Variants in NCKAP5 observed in about 807,000 individuals in gnomAD.
NCKAP5 encodes NCK associated protein 5.
In NCKAP5, 92 loss-of-function variants were observed where a neutral mutation model predicts 167.0. That is an observed-to-expected ratio of 0.55 (90% CI 0.47 to 0.66). The LOEUF is 0.66. NCKAP5 is among the 30% of genes least tolerant of loss of function. The pLI, the probability that NCKAP5 is intolerant of heterozygous loss-of-function variation, is 0.00. For synonymous variants in NCKAP5, 891 were observed against 877.4 expected (o/e 1.02, Z -0.27); for missense variants, 2,378 against 2,315.0 (o/e 1.03, Z -0.56).
At chr2:132,776,914 C>G (rs1682600230) in intron 15 of NCKAP5, among the ~76,000 whole-genome samples, 1 of 152,148 alleles carries the variant, frequency 6.6e-6, no homozygotes, top group African/African-American at 2.4e-5. Flanking sequence ...GTGGGACAGT[C>G]TCCATGTGGG....
At chr2:133,622,503 A>T in the NCKAP5 span, among the ~76,000 whole-genome samples, 2 of 152,182 alleles carry the variant, frequency 1.3e-5, no homozygotes, top group Admixed American at 1.3e-4. Context: ...GACCAAACTG[A>T]GAATCAAATC....
intron 5 of NCKAP5, among the ~76,000 whole-genome samples, chr2:133,170,509 G>T (rs926521035): frequency 6.6e-6 from 1 of 152,172 alleles, no homozygotes; most frequent in African/African-American, 2.4e-5. Flanking sequence ...TGACTGTAAC[G>T]AAGTAATCTG....
chr2:133,147,744 T>C (rs1180007887), intron 5 of NCKAP5, among the ~76,000 whole-genome samples: 1 of 152,138 alleles, frequency 6.6e-6, no homozygotes, highest in Non-Finnish European at 1.5e-5. Flanking sequence ...AAGAGTTTAG[T>C]GTATGTGAAA....
rs2087692872 is a variant in NCKAP5 at position 133,241,277 on chromosome 2, G to C, written c.144-27498C>G. Among the ~76,000 whole-genome samples, 18 of 152,304 alleles carry C rather than the reference G, an allele frequency of 1.2e-4. No individual in the cohort carries two copies. The South Asian group carries it at 3.7e-3, about 32-fold the overall frequency. The stretch of plus-strand genomic sequence containing the variant: ...ATTTTGGGTTTTATTTCAGTCGGCA[G>C]TGTTGCTCATCAGTAATAAATACAA... On this transcript the variant is annotated intron_variant, in intron 4 of 19. Transcript: ENST00000409261.
At chr2:132,791,733 T>A (rs181296658) in intron 12 of NCKAP5, among the ~76,000 whole-genome samples, 115 of 152,340 alleles carry the variant, frequency 7.5e-4, no homozygotes, top group African/African-American at 2.6e-3. Flanking sequence ...CCAAATGCAA[T>A]TCCAACTGAC....
At chr2:133,340,881 T>C (rs1461194687) in intron 3 of NCKAP5, among the ~76,000 whole-genome samples, 1 of 152,198 alleles carries the variant, frequency 6.6e-6, no homozygotes, top group Non-Finnish European at 1.5e-5. Flanking sequence ...CTTCCTCATC[T>C]CAGCAGCCAG....
At chr2:132,882,518 C>A (rs1228572062) in intron 8 of NCKAP5, among the ~76,000 whole-genome samples, 1 of 152,064 alleles carries the variant, frequency 6.6e-6, no homozygotes, top group South Asian at 2.1e-4. Flanking sequence ...GGTACGCTAC[C>A]CAAACCAGTG....
chr2:133,174,015 A>G (rs913453671), intron 5 of NCKAP5, among the ~76,000 whole-genome samples: 4 of 152,198 alleles, frequency 2.6e-5, no homozygotes, highest in African/African-American at 9.7e-5. Flanking sequence ...AACCTGGTAC[A>G]ATACCATTAA....
chr2:133,087,645 T>A (rs1035948833), intron 6 of NCKAP5, among the ~76,000 whole-genome samples: 2 of 152,216 alleles, frequency 1.3e-5, no homozygotes, highest in African/African-American at 4.8e-5. Flanking sequence ...TGGGGCTTGA[T>A]GCACATCTCT....
In NCKAP5 at chr2:132,781,228, C is replaced by T. The variant is rs762127833; in HGVS notation, c.4873G>A (p.Val1625Ile). Reference sequence around the variant, plus strand: ...GTCTGTGGAGCTGCTTTCTTATCAACTCTGCAGGTAGAAAGTGATTCCTCT... The same window carrying T: ...GTCTGTGGAGCTGCTTTCTTATCAATTCTGCAGGTAGAAAGTGATTCCTCT... ...DTFMTELLNRVDKKAAPQTES... is the reference protein window; with the variant it reads ...DTFMTELLNRIDKKAAPQTES... Residue 1625 changes from valine to isoleucine, a missense_variant and splice_region_variant, in exon 15 of 20, where the codon GTT (valine) becomes ATT (isoleucine). Val to Ile is a conservative substitution (Grantham distance 29, BLOSUM62 3). This residue lies in a region of NCKAP5 where 1,325 missense variants were observed against 1,274.5 expected (regional missense o/e 1.04). Coordinates refer to ENST00000409261, the MANE Select transcript of NCKAP5 (RefSeq NM_207363.3). 6.2e-7 allele frequency: 1 copy of T among 1,612,926 alleles called. No homozygotes were observed. The highest frequency in any genetic ancestry group is 1.1e-5 in the South Asian group (1 of 90,740).
At chr2:133,400,643 A>C (rs1688038968) in intron 3 of NCKAP5, among the ~76,000 whole-genome samples, 1 of 152,202 alleles carries the variant, frequency 6.6e-6, no homozygotes, top group African/African-American at 2.4e-5. Context: ...GCCTCATTGC[A>C]GGCAGCTGGC....
chr2:133,130,234 C>A (rs550259221), intron 5 of NCKAP5, 123 bp from the exon 6 acceptor site: 2 of 1,033,672 alleles, frequency 1.9e-6, no homozygotes, highest in East Asian at 2.8e-5. Context: ...AACAACCCCA[C>A]GAAGTAGGTC....
At chr2:133,245,672 A>G (rs2087941741) in intron 4 of NCKAP5, among the ~76,000 whole-genome samples, 1 of 152,100 alleles carries the variant, frequency 6.6e-6, no homozygotes, top group Non-Finnish European at 1.5e-5. Context: ...TTTTCAATGA[A>G]CATACAATTA....
intron 3 of NCKAP5, among the ~76,000 whole-genome samples, chr2:133,338,688 G>A (rs1379590803): frequency 1.3e-5 from 2 of 152,140 alleles, no homozygotes; most frequent in East Asian, 3.9e-4. Context: ...AAGAGAATGT[G>A]CTATGACATA....
rs1156977127 is a variant in NCKAP5 at position 132,812,676 on chromosome 2, G to A, written c.808-15947C>T. On this transcript the variant is annotated intron_variant, in intron 11 of 19. Coordinates refer to ENST00000409261, the MANE Select transcript of NCKAP5 (RefSeq NM_207363.3). ...TAGCACAGCTAAGAGATGTTACTGAGAAACGATTACTCAGGAGAGGGGGGC... is the reference window on the plus strand; with the variant it reads ...TAGCACAGCTAAGAGATGTTACTGAAAAACGATTACTCAGGAGAGGGGGGC... Among the ~76,000 whole-genome samples, 3 of 152,314 alleles carry A rather than the reference G, an allele frequency of 2.0e-5. No homozygotes were observed. In the East Asian group the frequency reaches 5.8e-4, roughly 29 times the overall value.
chr2:132,766,311 A>AAAAAAAAAAAAG (rs1681488697), intron 16 of NCKAP5, among the ~76,000 whole-genome samples: 1 of 151,136 alleles, frequency 6.6e-6, no homozygotes, highest in African/African-American at 2.4e-5. Flanking sequence ...AAAAAGAGAA[A>AAAAAAAAAAAAG]ATCATAAGGA....
At chr2:133,000,876 A>T (rs1427019741) in intron 6 of NCKAP5, among the ~76,000 whole-genome samples, 1 of 152,228 alleles carries the variant, frequency 6.6e-6, no homozygotes, top group Non-Finnish European at 1.5e-5. Flanking sequence ...AGCCACACAC[A>T]AAAGACAAAA....
intron 3 of NCKAP5, among the ~76,000 whole-genome samples, chr2:133,497,415 C>A (rs1682042017): frequency 6.6e-6 from 1 of 152,158 alleles, no homozygotes; most frequent in Non-Finnish European, 1.5e-5. Flanking sequence ...CCTGAGAGTT[C>A]AGCATGCCAA....
At chr2:133,017,893 A>G (rs1202898677) in intron 6 of NCKAP5, among the ~76,000 whole-genome samples, 2 of 152,198 alleles carry the variant, frequency 1.3e-5, no homozygotes, top group Non-Finnish European at 2.9e-5. Flanking sequence ...TCTTGGGGTT[A>G]TACAAGATGG....
Sources: allele counts gnomAD v4.1 joint callset (sites outside exome capture counted in the v4.1 genomes callset), GRCh38; gene constraint gnomAD v4.1.1; regional missense constraint gnomAD v4.1.1; transcripts MANE v1.5; gene names NCBI Gene and HGNC (gene_info 2026-07-23, HGNC 2026-07-21).